Variants in TSEN2 observed in about 807,000 individuals in gnomAD.
The protein encoded by TSEN2 is tRNA splicing endonuclease subunit 2, also known as tRNA-splicing endonuclease subunit Sen2.
Under a neutral mutation model 59.2 loss-of-function variants are expected in TSEN2, and 54 were observed. That is an observed-to-expected ratio of 0.91 (90% CI 0.73 to 1.14). TSEN2 has a LOEUF of 1.14. Ranked by LOEUF, TSEN2 falls within the 50% of genes most tolerant of loss-of-function variation. The probability of loss-of-function intolerance (pLI) is 0.00; values close to 1 mark genes in which losing one functional copy is unlikely to be tolerated. For synonymous variants in TSEN2, 195 were observed against 198.2 expected, an observed-to-expected ratio of 0.98 and a Z score of 0.14; for missense variants, 636 against 576.2, an observed-to-expected ratio of 1.10 and a Z score of -1.06.
intron 1 of TSEN2, among the ~76,000 whole-genome samples, chr3:12,485,962 T>A (rs2124878820): frequency 6.6e-6 from 1 of 152,242 alleles, no homozygotes; most frequent in South Asian, 2.1e-4. Flanking sequence ...TATATATATA[T>A]AACAATTATT....
Position 12,528,884 on chromosome 3 carries a change from G to A in TSEN2, c.1100-4G>A, listed in dbSNP as rs2057282313. On this transcript the variant is annotated splice_region_variant and splice_polypyrimidine_tract_variant and intron_variant, in intron 8 of 11. Transcript: ENST00000284995. ...TACTTCTTTTTTTTCTTTCTTCTTT[G>A]CAGTGCTATATCGGAAAGGCCCTCC... The A allele has an allele frequency of 1.2e-6, 2 of 1,613,134 alleles. No homozygotes were observed. The highest frequency in any genetic ancestry group is 8.5e-7 in the Non-Finnish European group (1 of 1,179,794).
At chr3:12,509,290 T>C (rs2055179055) in intron 6 of TSEN2, among the ~76,000 whole-genome samples, 1 of 151,182 alleles carries the variant, frequency 6.6e-6, no homozygotes, top group Non-Finnish European at 1.5e-5. Flanking sequence ...AACGTCTGCC[T>C]CCCGGGTTCA....
chr3:12,496,755 TTAAA>T (rs1345449654), intron 4 of TSEN2, among the ~76,000 whole-genome samples: 1 of 152,228 alleles, frequency 6.6e-6, no homozygotes, highest in Non-Finnish European at 1.5e-5. Context: ...TATGGTTTGT[TTAAA>T]TACTGTTTTG....
chr3:12,535,869 A>G (rs1227818773), downstream of TSEN2, among the ~76,000 whole-genome samples: 2 of 152,288 alleles, frequency 1.3e-5, no homozygotes, highest in East Asian at 1.9e-4. Flanking sequence ...CCACATTTCA[A>G]ATCACCACTG....
chr3:12,508,893 C>G (rs1166624730), intron 6 of TSEN2, among the ~76,000 whole-genome samples: 1 of 152,136 alleles, frequency 6.6e-6, no homozygotes, highest in South Asian at 2.1e-4. Context: ...CAGGGTTTCT[C>G]TCTGTTGCCC....
chr3:12,529,064 C>A, intron 9 of TSEN2, 140 bp downstream of exon 9: 1 of 811,668 alleles, frequency 1.2e-6, no homozygotes, highest in African/African-American at 1.7e-5. Context: ...ATGTTCATGC[C>A]TCCTTACACA....
chr3:12,518,756 G>C (rs1447114865), intron 7 of TSEN2, among the ~76,000 whole-genome samples: 2 of 146,490 alleles, frequency 1.4e-5, no homozygotes, highest in Admixed American at 1.4e-4. Context: ...TTTACACTTA[G>C]AGCCACTCTC....
In TSEN2 at chr3:12,525,127, C is replaced by G. The variant is rs113747695; in HGVS notation, c.1100-3761C>G. ...TTTTCGAAGTCTTTTAGGATGTTCC[C>G]CATTCTCCATATGTCTGATTGTTCC... On this transcript the variant is annotated intron_variant, in intron 8 of 11. Coordinates refer to ENST00000284995, the MANE Select transcript of TSEN2 (RefSeq NM_025265.4). Among the ~76,000 whole-genome samples, 1,244 of 152,126 alleles carry G rather than the reference C, an allele frequency of 8.2e-3. 6 individuals are homozygous for G. Among genetic ancestry groups the G allele is most frequent in the Middle Eastern group, 0.024 (7 of 294 alleles).
intron 4 of TSEN2, among the ~76,000 whole-genome samples, chr3:12,499,611 CAG>C (rs772902028): frequency 1.3e-5 from 2 of 152,282 alleles, no homozygotes; most frequent in Non-Finnish European, 1.5e-5. Flanking sequence ...GATGGGGACT[CAG>C]GGGAGGCTTC....
At chr3:12,529,141 A>G (rs546744292) in intron 9 of TSEN2, among the ~76,000 whole-genome samples, 1 of 152,318 alleles carries the variant, frequency 6.6e-6, no homozygotes, top group African/African-American at 2.4e-5. Context: ...AGTGTTAAAC[A>G]CTGAGTTAAT....
chr3:12,512,908 A>G (rs191782888), intron 6 of TSEN2, among the ~76,000 whole-genome samples: 2 of 152,334 alleles, frequency 1.3e-5, no homozygotes, highest in East Asian at 3.9e-4. Context: ...GGCCCTAACT[A>G]CATTTAGCAG....
chr3:12,528,923 A>G lies in TSEN2; in HGVS notation c.1135A>G (p.Ser379Gly). The G allele has an allele frequency of 6.2e-7, 1 of 1,613,906 alleles. No individual in the cohort carries two copies. Among genetic ancestry groups the G allele is most frequent in the Non-Finnish European group, 8.5e-7 (1 of 1,179,960 alleles). The change falls in exon 9 of 12, where the codon AGT becomes GGT. Residue 379 changes from serine (S) to glycine (G), a missense_variant and splice_region_variant. Ser to Gly is a moderately conservative substitution (Grantham distance 56). Coordinates refer to ENST00000284995, the MANE Select transcript of TSEN2 (RefSeq NM_025265.4). ...YRKGPPFYHA[S>G]YSVIIELVDD... is the part of the protein sequence containing the mutation. ...GAAAGGCCCTCCATTTTACCATGCA[A>G]GGTTCGGAGTGATTTTTAAATAAAC...
intron 6 of TSEN2, chr3:12,506,902 G>A (rs2054894860): frequency 1.0e-6 from 1 of 980,754 alleles, no homozygotes; most frequent in African/African-American, 1.8e-5. Flanking sequence ...CCACAGGAAA[G>A]TAATTGTGGG....
chr3:12,529,648 A>G, intron 9 of TSEN2, 114 bp from the exon 10 acceptor site: 1 of 926,796 alleles, frequency 1.1e-6, no homozygotes, highest in Non-Finnish European at 1.7e-6. Context: ...GGGAATTTAG[A>G]ATCAGATGAT....
chr3:12,539,210 T>G (rs2057754396), exon 11 of TSEN2: 2 of 418,708 alleles, frequency 4.8e-6, no homozygotes, highest in African/African-American at 2.1e-5. Flanking sequence ...CTTGGATCAC[T>G]GCAACCTCTG....
At chr3:12,515,252 G>A (rs1293563964) in intron 6 of TSEN2, among the ~76,000 whole-genome samples, 1 of 152,178 alleles carries the variant, frequency 6.6e-6, no homozygotes, top group East Asian at 1.9e-4. Flanking sequence ...TGTATGCCGG[G>A]TTAGTGGTGG....
rs928682362 is a variant in TSEN2, at chr3:12,518,968, T to C, written c.961-91T>C. The C allele has an allele frequency of 1.1e-5, 14 of 1,304,730 alleles. No individual in the cohort carries two copies. In the Admixed American group the frequency reaches 1.9e-4, roughly 17 times the overall value. 80.8% of individuals were successfully genotyped at this position (1,304,730 alleles called of 1,614,324 possible). On this transcript the variant is annotated intron_variant, in intron 7 of 11. Coordinates refer to ENST00000284995, the MANE Select transcript of TSEN2 (RefSeq NM_025265.4). ...ACTGCATTTTCTTCACTGCTTCAGC[T>C]CCACACTTAGTATAGATGTTGGTGC...
At chr3:12,488,623 T>C (rs979429178) in intron 1 of TSEN2, among the ~76,000 whole-genome samples, 1 of 152,222 alleles carries the variant, frequency 6.6e-6, no homozygotes, top group African/African-American at 2.4e-5. Context: ...TGCTTCCAGC[T>C]ATGTTATATA....
intron 6 of TSEN2, among the ~76,000 whole-genome samples, 171 bp from the exon 7 acceptor site, chr3:12,516,438 CAA>C (rs2056100388): frequency 1.2e-5 from 1 of 81,236 alleles, no homozygotes; most frequent in African/African-American, 4.0e-5. Context: ...AACAAACAAA[CAA>C]AATATATGTG....
Sources: allele counts gnomAD v4.1 joint callset (sites outside exome capture counted in the v4.1 genomes callset), GRCh38; gene constraint gnomAD v4.1.1; transcripts MANE v1.5; gene names NCBI Gene and HGNC (gene_info 2026-07-23, HGNC 2026-07-21).